DNAH6: variants seen among roughly 807,000 people sequenced by gnomAD.
DNAH6 encodes dynein axonemal heavy chain 6, also known as axonemal beta dynein heavy chain 6.
In DNAH6, 340 loss-of-function variants were observed where a neutral mutation model predicts 491.4. The observed-to-expected ratio is 0.69, with a 90% CI of 0.63 to 0.76. The LOEUF is 0.76. Ranked by LOEUF, DNAH6 falls within the 30% of genes least tolerant of loss-of-function variation. The probability of loss-of-function intolerance (pLI) is 0.00; values close to 1 mark genes in which losing one functional copy is unlikely to be tolerated. For synonymous variants in DNAH6, 1,603 were observed against 1,686.1 expected (o/e 0.95, Z 1.21); for missense variants, 4,443 against 4,972.2 (o/e 0.89, Z 3.20).
chr2:84,695,840 AG>A (rs1243829151), intron 46 of DNAH6, among the ~76,000 whole-genome samples: 3 of 152,086 alleles, frequency 2.0e-5, no homozygotes, highest in African/African-American at 7.2e-5. Flanking sequence ...TTATGTAAAA[AG>A]TCTCCAAGTA....
chr2:84,778,219 G>A (rs539402537), intron 64 of DNAH6: 87 of 653,844 alleles, frequency 1.3e-4, no homozygotes, highest in African/African-American at 1.3e-3. Flanking sequence ...CTTGAGAGTT[G>A]CCATATTGGA....
Position 84,517,837 on chromosome 2 carries a change from G to A in DNAH6, c.11G>A (p.Arg4Gln), listed in dbSNP as rs372068392. The A allele has an allele frequency of 5.2e-6, 8 of 1,549,786 alleles. No individual in the cohort carries two copies. Among genetic ancestry groups the A allele is most frequent in the Admixed American group, 3.9e-5 (2 of 50,806 alleles). Reference sequence around the variant, plus strand: ...TTTTCAGGAGTAAGGATGACTTTTCGGGCCACAGATAGTGAATTTGACCTG... The same window carrying A: ...TTTTCAGGAGTAAGGATGACTTTTCAGGCCACAGATAGTGAATTTGACCTG... MTF[R>Q]ATDSEFDLTN... The change falls in exon 2 of 77, where the codon CGG becomes CAG. Residue 4 changes from arginine to glutamine, a missense_variant. By Grantham distance (43) the Arg-to-Gln change is conservative. This residue lies in a region of DNAH6 where 2,977 missense variants were observed against 3,296.6 expected (regional missense o/e 0.90). Transcript: ENST00000389394.
intron 61 of DNAH6, among the ~76,000 whole-genome samples, chr2:84,729,546 C>T (rs1213160797): frequency 1.3e-5 from 2 of 152,210 alleles, no homozygotes; most frequent in Non-Finnish European, 2.9e-5. Context: ...TAATGCATAA[C>T]ACAGTCTGAT....
rs1553498926 is a variant in DNAH6, at chr2:84,786,101, A to AGAAC, written c.11100+348_11100+349insCGAA. ...ACGTGTGTGGTCTACAGAGAAAGAA[A>AGAAC]GAATGAATGAATGAATGAATGAATG... On this transcript the variant is annotated intron_variant, in intron 67 of 76. Coordinates refer to ENST00000389394, the MANE Select transcript of DNAH6 (RefSeq NM_001370.2). Among the ~76,000 whole-genome samples the AGAAC allele has an allele frequency of 4.0e-5, 6 of 150,366 alleles. No individual in the cohort carries two copies. In the East Asian group the frequency reaches 9.7e-4, roughly 24 times the overall value.
At chr2:84,712,136 G>C (rs1697104260) in intron 56 of DNAH6, among the ~76,000 whole-genome samples, 1 of 152,128 alleles carries the variant, frequency 6.6e-6, no homozygotes, top group Non-Finnish European at 1.5e-5. Context: ...CATTTGCTAG[G>C]GTGGTGTATT....
intron 23 of DNAH6, among the ~76,000 whole-genome samples, chr2:84,619,480 A>C (rs549831059): frequency 6.6e-6 from 1 of 152,188 alleles, no homozygotes; most frequent in Non-Finnish European, 1.5e-5. Context: ...GGTGTGCATC[A>C]TCACACCTAA....
intron 63 of DNAH6, chr2:84,750,792 A>G (rs936551804): frequency 6.6e-6 from 1 of 152,246 alleles, no homozygotes; most frequent in African/African-American, 2.4e-5. Flanking sequence ...AGCTGTCCAC[A>G]TGTGACCAAA....
At chr2:84,696,055 A>C (rs1403985207) in intron 46 of DNAH6, among the ~76,000 whole-genome samples, 1 of 152,008 alleles carries the variant, frequency 6.6e-6, no homozygotes, top group Non-Finnish European at 1.5e-5. Context: ...GAGAGAAACA[A>C]GATGTTAAAA....
At chr2:84,720,406 G>C (rs1192341) in intron 59 of DNAH6, among the ~76,000 whole-genome samples, 16,238 of 146,262 alleles carry the variant, frequency 0.11, 1,135 homozygotes, top group African/African-American at 0.2. Flanking sequence ...AGCCTCCCAA[G>C]TAGCTGGGAC....
At position 84,547,252 on chromosome 2, in the gene DNAH6, T is replaced by C; in HGVS notation, c.931-16T>C. The C allele has an allele frequency of 4.7e-6, 7 of 1,501,136 alleles. No individual in the cohort carries two copies. Among genetic ancestry groups the C allele is most frequent in the Non-Finnish European group, 6.3e-6 (7 of 1,117,874 alleles). 93.0% of individuals were successfully genotyped at this position (1,501,136 alleles called of 1,614,324 possible). On this transcript the variant is annotated splice_polypyrimidine_tract_variant and intron_variant, in intron 5 of 76. Coordinates refer to ENST00000389394, the MANE Select transcript of DNAH6 (RefSeq NM_001370.2). Reference sequence around the variant, plus strand: ...AGAATATTTTTACTAAATAATAAATTCCTATTTTCATTCAGCATTTGCGAC... The same window carrying C: ...AGAATATTTTTACTAAATAATAAATCCCTATTTTCATTCAGCATTTGCGAC...
At chr2:84,536,589 TGTTAGA>T (rs1677711108) in intron 4 of DNAH6, among the ~76,000 whole-genome samples, 1 of 151,942 alleles carries the variant, frequency 6.6e-6, no homozygotes, top group Non-Finnish European at 1.5e-5. Flanking sequence ...AAGTAACAAC[TGTTAGA>T]GTTAAAGAGT....
At chr2:84,737,937 C>T (rs1404540051) in intron 62 of DNAH6, among the ~76,000 whole-genome samples, 2 of 151,730 alleles carry the variant, frequency 1.3e-5, no homozygotes, top group Admixed American at 1.3e-4. Flanking sequence ...TAATTTGAGA[C>T]CTTTCTAACT....
chr2:84,796,449 G>A, intron 69 of DNAH6, 24 bp downstream of exon 69: 2 of 1,480,736 alleles, frequency 1.4e-6, no homozygotes, highest in Non-Finnish European at 1.8e-6. Flanking sequence ...CAATATTACA[G>A]AAAAGGCCTT....
chr2:84,735,638 G>A (rs970177650), intron 62 of DNAH6, among the ~76,000 whole-genome samples: 12 of 152,070 alleles, frequency 7.9e-5, no homozygotes, highest in Admixed American at 2.0e-4. Context: ...TTTCTCTGAT[G>A]ATTAGTCATG....
intron 11 of DNAH6, among the ~76,000 whole-genome samples, chr2:84,562,117 A>G (rs146247581): frequency 7.2e-4 from 110 of 152,326 alleles, no homozygotes; most frequent in African/African-American, 2.5e-3. Context: ...AAAGTAGAAT[A>G]AGGTTATTGA....
At chr2:84,563,603 C>T (rs6753634) in intron 11 of DNAH6, among the ~76,000 whole-genome samples, 136,303 of 152,110 alleles carry the variant, frequency 0.9, 61,367 homozygotes, top group East Asian at 0.99. Flanking sequence ...GATATTAGAC[C>T]GTTGTCAAAT....
chr2:84,641,400 AC>A (rs1444865732), intron 32 of DNAH6, among the ~76,000 whole-genome samples: 1 of 152,154 alleles, frequency 6.6e-6, no homozygotes, highest in African/African-American at 2.4e-5. Context: ...AATACTAAGA[AC>A]TTGAGATACA....
intron 13 of DNAH6, among the ~76,000 whole-genome samples, 164 bp downstream of exon 13, chr2:84,577,572 G>A (rs1430187801): frequency 6.6e-6 from 1 of 151,992 alleles, no homozygotes; most frequent in East Asian, 1.9e-4. Context: ...TAGTCTTTTT[G>A]TCACAAGCAT....
At chr2:84,615,416 A>T (rs764308048) in intron 22 of DNAH6, among the ~76,000 whole-genome samples, 1 of 152,078 alleles carries the variant, frequency 6.6e-6, no homozygotes, top group South Asian at 2.1e-4. Context: ...TACCAGTACC[A>T]TGCTGTTTTG....
Sources: allele counts gnomAD v4.1 joint callset (sites outside exome capture counted in the v4.1 genomes callset), GRCh38; gene constraint gnomAD v4.1.1; regional missense constraint gnomAD v4.1.1; transcripts MANE v1.5; gene names NCBI Gene and HGNC (gene_info 2026-07-23, HGNC 2026-07-21).